COL13A1: variants seen among roughly 807,000 people sequenced by gnomAD.
The protein encoded by COL13A1 is collagen alpha-1(XIII) chain.
Under a neutral mutation model 130.9 loss-of-function variants are expected in COL13A1, and 89 were observed. That is an observed-to-expected ratio of 0.68 (90% CI 0.57 to 0.81). The LOEUF (loss-of-function observed/expected upper bound fraction) is 0.81. COL13A1 is among the 30% of genes least tolerant of loss of function. The pLI is 0.00. For synonymous variants in COL13A1, 402 were observed against 341.6 expected (o/e 1.18, Z -1.95); for missense variants, 879 against 934.6 (o/e 0.94, Z 0.78).
Position 69,887,461 on chromosome 10 carries a change from A to T in COL13A1, c.519A>T (p.Gln173His). 1.7e-5 allele frequency: 27 copies of T among 1,613,288 alleles called. No individual in the cohort carries two copies. The highest frequency in any genetic ancestry group is 2.2e-5 in the Non-Finnish European group (26 of 1,179,724). ...SIIGPRGPPG[Q>H]PGTRGFPGFP... Reference sequence around the variant, plus strand: ...TCTTGTTTTTTTTTTTTCAGGGTCAACCAGGAACTAGAGGTTTCCCTGGAT... The same window carrying T: ...TCTTGTTTTTTTTTTTTCAGGGTCATCCAGGAACTAGAGGTTTCCCTGGAT... The change falls in exon 8 of 41, where the codon CAA becomes CAT. Residue 173 changes from glutamine to histidine, a missense_variant. By Grantham distance (24) the Gln-to-His change is conservative (BLOSUM62 0). This residue lies in a region of COL13A1 where 715 missense variants were observed against 721.0 expected (regional missense o/e 0.99). Transcript: ENST00000645393.
chr10:69,944,227 G>A, intron 36 of COL13A1, 49 bp downstream of exon 36: 1 of 1,524,852 alleles, frequency 6.6e-7, no homozygotes, highest in Non-Finnish European at 9.1e-7. Flanking sequence ...GGAGAGGCAT[G>A]CCTGGGACCC....
chr10:69,928,370 G>A (rs993314125), intron 27 of COL13A1, among the ~76,000 whole-genome samples: 1 of 152,104 alleles, frequency 6.6e-6, no homozygotes, highest in African/African-American at 2.4e-5. Flanking sequence ...CCCAGCCCCA[G>A]GCCACCACTG....
chr10:69,918,032 G>A (rs2064141741), intron 18 of COL13A1, among the ~76,000 whole-genome samples: 2 of 152,014 alleles, frequency 1.3e-5, no homozygotes, highest in Admixed American at 1.3e-4. Context: ...GAGAGGCCAG[G>A]AGCCATGCAG....
chr10:69,926,615 C>T (rs1372035581), intron 26 of COL13A1, among the ~76,000 whole-genome samples: 1 of 152,236 alleles, frequency 6.6e-6, no homozygotes, highest in Non-Finnish European at 1.5e-5. Flanking sequence ...AGCCAACAAT[C>T]ATCTCCCTGA....
Position 69,849,648 on chromosome 10 carries a change from G to T in COL13A1, c.365-18150G>T, listed in dbSNP as rs114164969. 2.6e-3 allele frequency among the ~76,000 whole-genome samples: 399 copies of T among 152,282 alleles called. 1 individual carries two copies. The highest frequency in any genetic ancestry group is 9.5e-3 in the African/African-American group (393 of 41,556). On this transcript the variant is annotated intron_variant, in intron 2 of 40. Coordinates refer to ENST00000645393, the MANE Select transcript of COL13A1 (RefSeq NM_001368882.1). ...TGTGTGTAGCCTTCTGTTGTGTTTG[G>T]GGGCTGAAGACAAGGATGGCGGCTC...
chr10:69,941,021 C>A lies in COL13A1; in HGVS notation c.1912C>A (p.Pro638Thr), dbSNP rs1375882768. 1 of 1,613,958 alleles carries A rather than the reference C, an allele frequency of 6.2e-7. No homozygotes were observed. The highest frequency in any genetic ancestry group is 2.2e-5 in the East Asian group (1 of 44,862). The part of the protein sequence containing the change: ...ASGLDGRPGP[P>T]GTPGPIGVPG... ...AGGTTTGGACGGCAGGCCTGGGCCA[C>A]CGGTGAGTGTCACTTCTCCATCACC... Residue 638 changes from proline (P) to threonine (T), a missense_variant and splice_region_variant, in exon 35 of 41, where the codon CCG becomes ACG. Transcript: ENST00000645393.
intron 30 of COL13A1, among the ~76,000 whole-genome samples, chr10:69,932,257 A>C (rs929339338): frequency 6.6e-6 from 1 of 152,226 alleles, no homozygotes; most frequent in Non-Finnish European, 1.5e-5. Context: ...AATCTGCAAC[A>C]TAATCATAGA....
At chr10:69,831,783 C>T (rs1848873814) in intron 2 of COL13A1, among the ~76,000 whole-genome samples, 2 of 152,294 alleles carry the variant, frequency 1.3e-5, no homozygotes, top group African/African-American at 4.8e-5. Context: ...GAGAGGCAGG[C>T]TAACCCAGCA....
intron 2 of COL13A1, among the ~76,000 whole-genome samples, chr10:69,834,904 A>G (rs1589329629): frequency 6.6e-6 from 1 of 152,180 alleles, no homozygotes; most frequent in Admixed American, 6.5e-5. Context: ...GAAAGACCTT[A>G]CCTGTAGCCA....
intron 36 of COL13A1, among the ~76,000 whole-genome samples, chr10:69,944,668 A>C (rs1333074393): frequency 2.6e-5 from 4 of 151,908 alleles, no homozygotes; most frequent in Non-Finnish European, 5.9e-5. Flanking sequence ...CTATAAAAAA[A>C]AAAATGAAAA....
At chr10:69,935,799 C>T (rs1012613243) in intron 32 of COL13A1, among the ~76,000 whole-genome samples, 7 of 151,958 alleles carry the variant, frequency 4.6e-5, no homozygotes, top group South Asian at 4.1e-4. Flanking sequence ...CGCTTGAGTC[C>T]GGAAGTTTGA....
chr10:69,905,685 G>T (rs1589426791), intron 16 of COL13A1, 102 bp from the exon 17 acceptor site: 1 of 1,318,690 alleles, frequency 7.6e-7, no homozygotes, highest in African/African-American at 1.5e-5. Context: ...GTGGAACTTG[G>T]AGTCATCGAG....
At chr10:69,954,775 A>T (rs565846299) in intron 39 of COL13A1, 3 of 152,184 alleles carry the variant, frequency 2.0e-5, no homozygotes, top group Admixed American at 2.0e-4. Context: ...CCTTTCTTTC[A>T]TGATCAGATG....
Position 69,838,287 on chromosome 10 carries a change from AG to A in COL13A1, c.364+15852del, listed in dbSNP as rs373074594. ...CCGAGAGAAGGCAAGGGGTTCTTCTAGGGTCACCCAGCCAATGCTGGAAACA... is the reference window on the plus strand; with the variant it reads ...CCGAGAGAAGGCAAGGGGTTCTTCTAGGTCACCCAGCCAATGCTGGAAACA... On this transcript the variant is annotated intron_variant, in intron 2 of 40. Coordinates refer to ENST00000645393, the MANE Select transcript of COL13A1 (RefSeq NM_001368882.1). Among the ~76,000 whole-genome samples the A allele has an allele frequency of 2.7e-3, 407 of 152,348 alleles. 2 individuals are homozygous for A. The highest frequency in any genetic ancestry group is 9.3e-3 in the African/African-American group (386 of 41,590).
At chr10:69,895,085 T>C (rs990558901) in intron 12 of COL13A1, among the ~76,000 whole-genome samples, 2 of 152,336 alleles carry the variant, frequency 1.3e-5, no homozygotes, top group African/African-American at 4.8e-5. Context: ...TCTTGTTGAA[T>C]TTCTGATAGA....
intron 2 of COL13A1, among the ~76,000 whole-genome samples, chr10:69,838,855 C>T (rs1420545617): frequency 2.6e-5 from 4 of 152,232 alleles, no homozygotes; most frequent in Non-Finnish European, 5.9e-5. Context: ...GGCCTCAGCT[C>T]CCATTTTGTA....
chr10:69,804,679 A>C (rs1840982328), intron 1 of COL13A1, among the ~76,000 whole-genome samples: 1 of 147,994 alleles, frequency 6.8e-6, no homozygotes, highest in African/African-American at 2.5e-5. Flanking sequence ...ATTCTCATTC[A>C]TTCATTCAGA....
At chr10:69,858,248 C>T in intron 2 of COL13A1, among the ~76,000 whole-genome samples, 1 of 152,026 alleles carries the variant, frequency 6.6e-6, no homozygotes, top group Admixed American at 6.6e-5. Flanking sequence ...GACTTCATAA[C>T]CATAACAATT....
chr10:69,940,382 A>G (rs2067458859), intron 34 of COL13A1, among the ~76,000 whole-genome samples: 2 of 152,246 alleles, frequency 1.3e-5, no homozygotes, highest in African/African-American at 2.4e-5. Context: ...GCGAAATGTC[A>G]GGCATCATTT....
Sources: allele counts gnomAD v4.1 joint callset (sites outside exome capture counted in the v4.1 genomes callset), GRCh38; gene constraint gnomAD v4.1.1; regional missense constraint gnomAD v4.1.1; transcripts MANE v1.5; gene names NCBI Gene and HGNC (gene_info 2026-07-23, HGNC 2026-07-21).